DNAH9: variants seen among roughly 807,000 people sequenced by gnomAD.
DNAH9 encodes DNAH9 variant protein.
Under a neutral mutation model 471.6 loss-of-function variants are expected in DNAH9, and 345 were observed. The observed-to-expected ratio is 0.73, with a 90% CI of 0.67 to 0.80. DNAH9 has a LOEUF of 0.80. Ranked by LOEUF, DNAH9 falls within the 30% of genes least tolerant of loss-of-function variation. The pLI is 0.00. For missense variants in DNAH9, 5,407 were observed against 5,609.2 expected, an observed-to-expected ratio of 0.96 and a Z score of 1.15; for synonymous variants, 2,093 against 2,123.6, an observed-to-expected ratio of 0.99 and a Z score of 0.40.
intron 52 of DNAH9, among the ~76,000 whole-genome samples, chr17:11,872,246 G>A (rs746320874): frequency 3.8e-4 from 58 of 151,890 alleles, no homozygotes; most frequent in Non-Finnish European, 1.5e-4. Flanking sequence ...ATCCTTCGTC[G>A]GCTTCCGTCC....
chr17:11,929,180 G>A (rs957391480), intron 62 of DNAH9, among the ~76,000 whole-genome samples: 5 of 151,684 alleles, frequency 3.3e-5, no homozygotes, highest in South Asian at 2.1e-4. Context: ...GACTACAGGC[G>A]CCCACCACCA....
At chr17:11,837,242 A>T (rs1471645638) in intron 49 of DNAH9, among the ~76,000 whole-genome samples, 1 of 152,216 alleles carries the variant, frequency 6.6e-6, no homozygotes, top group African/African-American at 2.4e-5. Flanking sequence ...GGATACTGAA[A>T]ATCACACTGG....
chr17:11,803,351 G>T (rs182204315), intron 43 of DNAH9, among the ~76,000 whole-genome samples: 32 of 152,104 alleles, frequency 2.1e-4, no homozygotes, highest in African/African-American at 7.7e-4. Context: ...CTTCTTTTGT[G>T]CCCTGAGAAT....
intron 14 of DNAH9, among the ~76,000 whole-genome samples, chr17:11,662,508 C>T (rs1274544335): frequency 1.3e-5 from 2 of 151,946 alleles, no homozygotes; most frequent in African/African-American, 2.4e-5. Context: ...ATTATGAAAT[C>T]AGAGACCTAC....
rs765800686 is a variant in DNAH9, at chr17:11,894,391, A to T, written c.11301A>T (p.Arg3767=). 1 of 1,614,172 alleles carries T rather than the reference A, an allele frequency of 6.2e-7. No homozygotes were observed. Among genetic ancestry groups the T allele is most frequent in the African/African-American group, 1.3e-5 (1 of 75,048 alleles). The change falls in exon 59 of 69, where the codon CGA becomes CGT. Residue 3767 remains arginine (R), a synonymous_variant. Coordinates refer to ENST00000262442, the MANE Select transcript of DNAH9 (RefSeq NM_001372.4). ...CATTGCAGATTCTCCTCATGAACCG[A>T]GAAGTCAATGCAGTGGAGTTGGATT... ...QLTFQILLMN[R]EVNAVELDFL... is the part of the protein sequence containing the mutation.
chr17:11,742,987 C>A lies in DNAH9; in HGVS notation c.6111+674C>A, dbSNP rs144438159. ...TCTCATTGTATCCCCTCTCTAGGTT[C>A]TTTCCCAACGTTGACTTCCACTTTT... On this transcript the variant is annotated intron_variant, in intron 30 of 68. Transcript: ENST00000262442. 2.0e-4 allele frequency among the ~76,000 whole-genome samples: 31 copies of A among 152,306 alleles called. 1 individual carries two copies. The East Asian group carries it at 6.0e-3, about 29-fold the overall frequency.
chr17:11,854,307 A>T lies in DNAH9; in HGVS notation c.9812A>T (p.Asn3271Ile), dbSNP rs375527222. 38 of 1,613,990 alleles carry T rather than the reference A, an allele frequency of 2.4e-5. No individual in the cohort carries two copies. The highest frequency in any genetic ancestry group is 2.7e-5 in the Non-Finnish European group (32 of 1,180,038). ...AAAGLCSWVI[N>I]IVRFYEVFCD... The stretch of plus-strand genomic sequence containing the variant: ...GCAGGCCTCTGCTCCTGGGTCATCA[A>T]TATTGTGAGATTTTATGAGGTGTTC... Residue 3271 changes from asparagine (N) to isoleucine (I), a missense_variant, in exon 50 of 69, where the codon AAT becomes ATT. Physicochemically the swap from Asn to Ile is moderately radical, Grantham distance 149 (BLOSUM62 -3). Around this residue, in one of 3 missense-constraint regions of DNAH9, gnomAD observed 4,636 missense variants for 4,900.3 expected, o/e 0.95. Coordinates refer to ENST00000262442, the MANE Select transcript of DNAH9 (RefSeq NM_001372.4).
intron 50 of DNAH9, among the ~76,000 whole-genome samples, chr17:11,861,231 G>A (rs1307398807): frequency 2.6e-5 from 4 of 151,600 alleles, no homozygotes; most frequent in Non-Finnish European, 5.9e-5. Flanking sequence ...CTGTGTCCAT[G>A]TGTTCTCATT....
chr17:11,648,867 T>A (rs186721818), intron 12 of DNAH9, among the ~76,000 whole-genome samples: 1 of 152,194 alleles, frequency 6.6e-6, no homozygotes, highest in South Asian at 2.1e-4. Context: ...GGCTCACACC[T>A]ATAATCCCAG....
intron 49 of DNAH9, among the ~76,000 whole-genome samples, chr17:11,838,407 A>T (rs1190001424): frequency 2.0e-5 from 3 of 152,196 alleles, no homozygotes; most frequent in African/African-American, 7.2e-5. Flanking sequence ...AAATTAAAAA[A>T]TTTCAGTGAC....
chr17:11,959,719 T>C (rs1293283697), intron 67 of DNAH9, among the ~76,000 whole-genome samples: 1 of 152,220 alleles, frequency 6.6e-6, no homozygotes, highest in Non-Finnish European at 1.5e-5. Flanking sequence ...CAGGGCTCTT[T>C]TACATCCCAT....
intron 48 of DNAH9, among the ~76,000 whole-genome samples, chr17:11,825,510 T>C (rs753839344): frequency 6.6e-6 from 1 of 152,196 alleles, no homozygotes. Flanking sequence ...AGAGCCTGGG[T>C]CTTTGAGCAG....
At position 11,769,147 on chromosome 17, in the gene DNAH9, C is replaced by G; in HGVS notation, c.7370C>G (p.Thr2457Ser). 6.2e-7 allele frequency: 1 copy of G among 1,614,206 alleles called. No individual in the cohort carries two copies. Among genetic ancestry groups the G allele is most frequent in the Admixed American group, 1.7e-5 (1 of 60,028 alleles). ...GCGTGTTTGGTGCACACGAGTGAGACCATCCGTGTGTGCTACTTCATGGAG... is the reference window on the plus strand; with the variant it reads ...GCGTGTTTGGTGCACACGAGTGAGAGCATCCGTGTGTGCTACTTCATGGAG... ...LQACLVHTSE[T>S]IRVCYFMERL... The change falls in exon 38 of 69, where the codon ACC (threonine) becomes AGC (serine). Residue 2457 changes from threonine to serine, a missense_variant. Transcript: ENST00000262442.
intron 61 of DNAH9, among the ~76,000 whole-genome samples, chr17:11,914,369 ATCT>A (rs1973875271): frequency 6.6e-6 from 1 of 152,182 alleles, no homozygotes; most frequent in African/African-American, 2.4e-5. Context: ...GCTCACTGAC[ATCT>A]TCTTCTAATA....
chr17:11,690,739 A>C (rs2074321366), intron 20 of DNAH9, among the ~76,000 whole-genome samples: 2 of 152,198 alleles, frequency 1.3e-5, no homozygotes, highest in Non-Finnish European at 2.9e-5. Flanking sequence ...TGGCTACTGC[A>C]GTTTGGAATG....
chr17:11,881,467 C>T, intron 55 of DNAH9, 54 bp downstream of exon 55: 1 of 1,546,780 alleles, frequency 6.5e-7, no homozygotes, highest in Non-Finnish European at 8.7e-7. Flanking sequence ...GTGTACTCCA[C>T]TCTGGGAGAG....
intron 3 of DNAH9, 102 bp downstream of exon 3, chr17:11,610,656 C>A: frequency 8.9e-7 from 1 of 1,118,694 alleles, no homozygotes; most frequent in East Asian, 2.5e-5. Flanking sequence ...CTATTCTTCC[C>A]TATAGGTATT....
intron 51 of DNAH9, among the ~76,000 whole-genome samples, 166 bp downstream of exon 51, chr17:11,869,419 A>C (rs865783662): frequency 2.0e-5 from 3 of 152,254 alleles, no homozygotes; most frequent in Admixed American, 6.5e-5. Flanking sequence ...ATGTGGATGC[A>C]TAAACCCTAA....
chr17:11,783,984 G>A (rs1442547838), intron 40 of DNAH9, among the ~76,000 whole-genome samples: 4 of 152,042 alleles, frequency 2.6e-5, no homozygotes, highest in East Asian at 3.9e-4. Flanking sequence ...AGATGAGGGC[G>A]CTTCAGAGAG....
Sources: allele counts gnomAD v4.1 joint callset (sites outside exome capture counted in the v4.1 genomes callset), GRCh38; gene constraint gnomAD v4.1.1; regional missense constraint gnomAD v4.1.1; transcripts MANE v1.5; gene names NCBI Gene and HGNC (gene_info 2026-07-23, HGNC 2026-07-21).